The following THSD7B variants were observed in gnomAD, a reference collection of about 807,000 sequenced individuals.
The protein encoded by THSD7B is thrombospondin type-1 domain-containing protein 7B.
A neutral mutation model predicts 213.6 loss-of-function variants in THSD7B; 138 were observed. The ratio of observed to expected loss-of-function variants is 0.65; its 90% CI spans 0.56 to 0.74. THSD7B has a LOEUF of 0.74. THSD7B is among the 30% of genes least tolerant of loss of function. THSD7B has a pLI of 0.00. For synonymous variants in THSD7B, 742 were observed against 687.0 expected, an observed-to-expected ratio of 1.08 and a Z score of -1.25; for missense variants, 1,931 against 1,991.5, an observed-to-expected ratio of 0.97 and a Z score of 0.58.
chr2:137,220,970 G>A (rs570538012), intron 7 of THSD7B, among the ~76,000 whole-genome samples: 1 of 152,114 alleles, frequency 6.6e-6, no homozygotes, highest in Non-Finnish European at 1.5e-5. Context: ...ACATTCTGGG[G>A]GAGGAGGGAA....
chr2:136,858,314 T>C (rs1683205861), intron 1 of THSD7B, among the ~76,000 whole-genome samples: 2 of 152,196 alleles, frequency 1.3e-5, no homozygotes, highest in South Asian at 2.1e-4. Context: ...ATAAGGCCCA[T>C]TGTAAAAATA....
chr2:137,064,198 T>C (rs1279491962), intron 3 of THSD7B, among the ~76,000 whole-genome samples: 1 of 152,068 alleles, frequency 6.6e-6, no homozygotes, highest in Non-Finnish European at 1.5e-5. Flanking sequence ...TAAAACTCAT[T>C]TTAACTGGGA....
At chr2:137,016,946 G>C (rs1240428915) in intron 2 of THSD7B, among the ~76,000 whole-genome samples, 2 of 152,078 alleles carry the variant, frequency 1.3e-5, no homozygotes, top group East Asian at 3.9e-4. Context: ...ATACTTTACA[G>C]TTTTCCAAAT....
chr2:137,604,838 C>T (rs1472041276), intron 17 of THSD7B, among the ~76,000 whole-genome samples: 1 of 152,088 alleles, frequency 6.6e-6, no homozygotes, highest in Non-Finnish European at 1.5e-5. Context: ...ACTGTGATTT[C>T]TTAAAGAAGT....
chr2:137,038,260 G>C (rs1686813368), intron 2 of THSD7B, among the ~76,000 whole-genome samples: 1 of 152,150 alleles, frequency 6.6e-6, no homozygotes, highest in African/African-American at 2.4e-5. Context: ...TTTTCTTGAA[G>C]AGATTTTTTA....
chr2:137,660,427 G>C (rs562239866), intron 25 of THSD7B, among the ~76,000 whole-genome samples: 1 of 152,150 alleles, frequency 6.6e-6, no homozygotes, highest in South Asian at 2.1e-4. Flanking sequence ...AAAGTGATTT[G>C]ATTAAAAATA....
At chr2:137,186,197 G>A (rs571498119) in intron 7 of THSD7B, among the ~76,000 whole-genome samples, 22 of 152,200 alleles carry the variant, frequency 1.4e-4, no homozygotes, top group African/African-American at 5.1e-4. Flanking sequence ...TTACTCCATC[G>A]ATAGTTTTTC....
chr2:137,370,442 A>C (rs1349733218), intron 12 of THSD7B, among the ~76,000 whole-genome samples: 2 of 152,030 alleles, frequency 1.3e-5, no homozygotes, highest in Non-Finnish European at 2.9e-5. Flanking sequence ...TTTAACCATT[A>C]TCTTTTGCTT....
chr2:137,285,712 G>T (rs1573934533), intron 12 of THSD7B, among the ~76,000 whole-genome samples: 1 of 151,658 alleles, frequency 6.6e-6, no homozygotes, highest in Non-Finnish European at 1.5e-5. Context: ...ACATATATTT[G>T]CATGTATTTA....
rs546100045 is a variant in THSD7B at position 137,454,573 on chromosome 2, T to C, written c.3138+3550T>C. Among the ~76,000 whole-genome samples, 10 of 152,232 alleles carry C rather than the reference T, an allele frequency of 6.6e-5. No homozygotes were observed. The South Asian group carries it at 1.5e-3, about 22-fold the overall frequency. On this transcript the variant is annotated intron_variant, in intron 15 of 27. Coordinates refer to ENST00000409968, the MANE Select transcript of THSD7B (RefSeq NM_001316349.2). ...ATAGTAGAATCCCATGTGTTTGTTA[T>C]ACTGTACATAGAGCTTTGTTTGATG...
At chr2:137,660,142 C>T (rs1683315708) in intron 25 of THSD7B, among the ~76,000 whole-genome samples, 1 of 151,838 alleles carries the variant, frequency 6.6e-6, no homozygotes, top group Admixed American at 6.6e-5. Context: ...TGAGTGAGTA[C>T]ATTTTTAGTT....
chr2:137,488,655 A>G (rs1034508309), intron 15 of THSD7B, among the ~76,000 whole-genome samples: 2 of 152,198 alleles, frequency 1.3e-5, no homozygotes, highest in African/African-American at 4.8e-5. Flanking sequence ...AACACAGTGT[A>G]CTCAAAATCA....
intron 14 of THSD7B, among the ~76,000 whole-genome samples, chr2:137,434,299 A>G (rs528875233): frequency 2.2e-4 from 34 of 152,290 alleles, no homozygotes; most frequent in African/African-American, 7.7e-4. Context: ...TAGTAAACCC[A>G]TCACAAAAGA....
intron 1 of THSD7B, among the ~76,000 whole-genome samples, chr2:136,767,479 GTTGTGTGTATT>G (rs1681423417): frequency 2.0e-5 from 2 of 102,242 alleles, no homozygotes. Flanking sequence ...GTGTGTGTGT[GTTGTGTGTATT>G]TGTGTGTGTG....
intron 15 of THSD7B, among the ~76,000 whole-genome samples, chr2:137,524,171 A>G (rs1573684216): frequency 2.0e-5 from 3 of 152,270 alleles, no homozygotes; most frequent in Admixed American, 2.0e-4. Context: ...ACCTCATTTT[A>G]AATGAATGCC....
chr2:137,538,069 A>G (rs76437171), intron 15 of THSD7B, among the ~76,000 whole-genome samples: 25,309 of 151,716 alleles, frequency 0.17, 2,248 homozygotes, highest in South Asian at 0.28. Context: ...TATGTCCTGT[A>G]TCCCTGAAAA....
chr2:137,576,141 C>G (rs1573719487), intron 17 of THSD7B, among the ~76,000 whole-genome samples: 1 of 152,136 alleles, frequency 6.6e-6, no homozygotes, highest in Non-Finnish European at 1.5e-5. Flanking sequence ...TTTATGCTAC[C>G]AATCCTTACT....
At chr2:137,624,399 A>G (rs936480126) in intron 20 of THSD7B, among the ~76,000 whole-genome samples, 3 of 152,200 alleles carry the variant, frequency 2.0e-5, no homozygotes, top group Non-Finnish European at 2.9e-5. Flanking sequence ...AGGCAATACC[A>G]TTCAGGACAT....
At chr2:137,518,913 C>G (rs1009409271) in intron 15 of THSD7B, among the ~76,000 whole-genome samples, 1 of 152,194 alleles carries the variant, frequency 6.6e-6, no homozygotes, top group Non-Finnish European at 1.5e-5. Flanking sequence ...TATATTGGAC[C>G]TCTTCCATCA....
Sources: allele counts gnomAD v4.1 joint callset (sites outside exome capture counted in the v4.1 genomes callset), GRCh38; gene constraint gnomAD v4.1.1; transcripts MANE v1.5; gene names NCBI Gene and HGNC (gene_info 2026-07-23, HGNC 2026-07-21).